Variants in LRRTM4 observed in about 807,000 individuals in gnomAD.
LRRTM4 encodes the protein leucine-rich repeat transmembrane neuronal protein 4.
In LRRTM4, 25 loss-of-function variants were observed where a neutral mutation model predicts 47.6. The ratio of observed to expected loss-of-function variants is 0.53; its 90% CI spans 0.38 to 0.73. LRRTM4 has a LOEUF of 0.73. Ranked by LOEUF, LRRTM4 falls within the 30% of genes least tolerant of loss-of-function variation. The pLI is 0.00. For synonymous variants in LRRTM4, 311 were observed against 269.5 expected (o/e 1.15, Z -1.51); for missense variants, 638 against 713.4 (o/e 0.89, Z 1.20).
intron 3 of LRRTM4, among the ~76,000 whole-genome samples, chr2:77,382,744 A>G (rs1057334528): frequency 6.6e-6 from 1 of 152,122 alleles, no homozygotes; most frequent in African/African-American, 2.4e-5. Flanking sequence ...TTAGATTAGA[A>G]TAAATTGATC....
chr2:77,090,692 C>A (rs561422846), intron 3 of LRRTM4, among the ~76,000 whole-genome samples: 10 of 152,272 alleles, frequency 6.6e-5, no homozygotes, highest in African/African-American at 1.9e-4. Flanking sequence ...GGAATGTCTG[C>A]AGCCCAGGAT....
At chr2:77,440,328 G>A (rs1333592569) in intron 3 of LRRTM4, among the ~76,000 whole-genome samples, 1 of 152,060 alleles carries the variant, frequency 6.6e-6, no homozygotes, top group African/African-American at 2.4e-5. Flanking sequence ...GCAGGAGAAT[G>A]GTGTGAACTC....
intron 3 of LRRTM4, among the ~76,000 whole-genome samples, chr2:76,953,648 A>G (rs908441966): frequency 1.3e-5 from 2 of 151,948 alleles, no homozygotes; most frequent in East Asian, 3.9e-4. Context: ...TCAGCAGCTT[A>G]TTGAAGCCCT....
At position 76,748,206 on chromosome 2, in the gene LRRTM4, G is replaced by T. The variant is rs955056208; in HGVS notation, c.*489C>A. 6.5e-6 allele frequency: 1 copy of T among 153,276 alleles called. No individual in the cohort carries two copies. 9.5% of individuals were successfully genotyped at this position (153,276 alleles called of 1,614,324 possible). A position where few individuals can be genotyped will look rare whatever the true frequency, so the allele number is the denominator to read the frequency against. ...AAAACAAACAAAACAAGAACAAACA[G>T]CATTTTTAAAGAAAAAATAAATGAA... On this transcript the variant is annotated 3_prime_UTR_variant, in exon 4 of 4. Coordinates refer to ENST00000409884, the MANE Select transcript of LRRTM4 (RefSeq NM_001134745.3).
intron 3 of LRRTM4, among the ~76,000 whole-genome samples, chr2:77,236,339 G>C (rs1372667806): frequency 6.6e-6 from 1 of 152,066 alleles, no homozygotes; most frequent in African/African-American, 2.4e-5. Context: ...GTATGGGAAT[G>C]CCACTGATTT....
intron 3 of LRRTM4, among the ~76,000 whole-genome samples, chr2:77,054,911 G>C (rs1679552623): frequency 6.6e-6 from 1 of 152,138 alleles, no homozygotes; most frequent in East Asian, 1.9e-4. Flanking sequence ...GTTTGTTTTT[G>C]ACTTATTCAT....
intron 3 of LRRTM4, among the ~76,000 whole-genome samples, chr2:77,434,109 C>T (rs954467172): frequency 1.6e-4 from 25 of 151,996 alleles, no homozygotes; most frequent in African/African-American, 6.0e-4. Context: ...ACTAAGTTTC[C>T]CACAGTGATA....
intron 3 of LRRTM4, among the ~76,000 whole-genome samples, chr2:77,042,755 G>C (rs914783730): frequency 4.0e-5 from 6 of 151,654 alleles, no homozygotes; most frequent in African/African-American, 1.5e-4. Flanking sequence ...AGCATTTCCA[G>C]TGCTAGAACT....
chr2:77,276,095 C>A (rs766116746), intron 3 of LRRTM4, among the ~76,000 whole-genome samples: 1 of 151,908 alleles, frequency 6.6e-6, no homozygotes, highest in Non-Finnish European at 1.5e-5. Context: ...AAATGATATT[C>A]AATCTATCTT....
At chr2:77,061,027 T>C (rs1054620219) in intron 3 of LRRTM4, among the ~76,000 whole-genome samples, 3 of 152,034 alleles carry the variant, frequency 2.0e-5, no homozygotes, top group African/African-American at 7.2e-5. Context: ...AAGCTATCAT[T>C]TGGAGTAAAA....
chr2:76,847,882 A>G (rs1400148055), intron 3 of LRRTM4, among the ~76,000 whole-genome samples: 1 of 152,142 alleles, frequency 6.6e-6, no homozygotes, highest in Non-Finnish European at 1.5e-5. Flanking sequence ...TTCCTTGCAT[A>G]TACAAGTGAG....
At chr2:76,867,832 C>T (rs938688617) in intron 3 of LRRTM4, among the ~76,000 whole-genome samples, 17 of 152,116 alleles carry the variant, frequency 1.1e-4, no homozygotes, top group Middle Eastern at 3.2e-3. Context: ...CCTTAATACA[C>T]CCATGCATAC....
chr2:76,808,184 C>T (rs983033579), intron 3 of LRRTM4, among the ~76,000 whole-genome samples: 2 of 151,384 alleles, frequency 1.3e-5, no homozygotes, highest in Non-Finnish European at 2.9e-5. Context: ...CGACGCCAGG[C>T]TAATTTTGTA....
At chr2:77,309,562 A>T (rs949557312) in intron 3 of LRRTM4, among the ~76,000 whole-genome samples, 2 of 152,116 alleles carry the variant, frequency 1.3e-5, no homozygotes, top group African/African-American at 4.8e-5. Flanking sequence ...AAGTCCAATC[A>T]GGTTGGAAGA....
At chr2:77,073,040 G>A (rs544907204) in intron 3 of LRRTM4, among the ~76,000 whole-genome samples, 3 of 152,184 alleles carry the variant, frequency 2.0e-5, no homozygotes, top group South Asian at 4.1e-4. Flanking sequence ...AGATCTTTCA[G>A]CATGCAGAAT....
chr2:76,882,793 A>C (rs968721457), intron 3 of LRRTM4, among the ~76,000 whole-genome samples: 1 of 152,114 alleles, frequency 6.6e-6, no homozygotes, highest in African/African-American at 2.4e-5. Context: ...TCCACCATCC[A>C]CCAGGTCTCA....
At chr2:77,451,027 A>G (rs1217053342) in intron 3 of LRRTM4, among the ~76,000 whole-genome samples, 3 of 152,190 alleles carry the variant, frequency 2.0e-5, no homozygotes, top group Admixed American at 1.3e-4. Flanking sequence ...TGCAATAACC[A>G]AAACAGTTCA....
chr2:76,751,613 T>G (rs997843542), intron 3 of LRRTM4, among the ~76,000 whole-genome samples: 4 of 152,146 alleles, frequency 2.6e-5, no homozygotes, highest in South Asian at 2.1e-4. Flanking sequence ...TGTTTTGTTT[T>G]GTTTTTATTA....
intron 3 of LRRTM4, among the ~76,000 whole-genome samples, chr2:77,110,501 C>T (rs1279348230): frequency 3.9e-5 from 6 of 152,152 alleles, no homozygotes; most frequent in African/African-American, 1.4e-4. Context: ...TATACATTAA[C>T]ACTTTAAAAA....
Sources: allele counts gnomAD v4.1 joint callset (sites outside exome capture counted in the v4.1 genomes callset), GRCh38; gene constraint gnomAD v4.1.1; transcripts MANE v1.5; gene names NCBI Gene and HGNC (gene_info 2026-07-23, HGNC 2026-07-21).